Variants in LIG4 observed in about 807,000 individuals in gnomAD.
The protein encoded by LIG4 is DNA joinase.
LIG4 carries 13 observed loss-of-function variants against 19.0 expected under a neutral mutation model. That is an observed-to-expected ratio of 0.68 (90% CI 0.44 to 1.09). The LOEUF is 1.09. Ranked by LOEUF, LIG4 falls within the 50% of genes least tolerant of loss-of-function variation. The pLI, the probability that LIG4 is intolerant of heterozygous loss-of-function variation, is 0.00. For missense variants in LIG4, 1,026 were observed against 1,089.7 expected (o/e 0.94, Z 0.82); for synonymous variants, 361 against 358.2 (o/e 1.01, Z -0.09).
At chr13:108,217,282 G>A (rs1431640073), upstream of LIG4, among the ~76,000 whole-genome samples, 5 of 152,200 alleles carry the variant, frequency 3.3e-5, no homozygotes, top group African/African-American at 1.2e-4. Flanking sequence ...TTGGGAGGCC[G>A]AGGTGGGTGG....
chr13:108,210,655 GA>G lies in LIG4; in HGVS notation c.613del (p.Ser205LeufsTer29), dbSNP rs780879476. ...CTCAGCAGCATCATTATGAAAAACA[GA>G]AAAGATAGTTTGCTGACTAACACCA... ...KLGVSQQTIF[S>X]VFHNDAAELH... On this transcript the variant is annotated frameshift_variant, in exon 3 of 3. Coordinates refer to ENST00000442234, the MANE Select transcript of LIG4 (RefSeq NM_206937.2). LOFTEE classifies it high-confidence loss of function. 131 of 1,613,636 alleles carry G rather than the reference GA, an allele frequency of 8.1e-5. No homozygotes were observed. Among genetic ancestry groups the G allele is most frequent in the Admixed American group, 2.2e-4 (13 of 59,994 alleles).
At chr13:108,216,179 T>C (rs1462641004), upstream of LIG4, among the ~76,000 whole-genome samples, 2 of 152,198 alleles carry the variant, frequency 1.3e-5, no homozygotes, top group Admixed American at 6.5e-5. Context: ...TATTATTATA[T>C]AGTAATGGTG....
rs1407817431 is a variant in LIG4, at chr13:108,208,591, C to A, written c.2678G>T (p.Trp893Leu). The stretch of plus-strand genomic sequence containing the variant: ...ACACTTGTCTATTGAATCAGTTACC[C>A]AACTTTCTTTTAGGATTTTAAACTT... ...KRKFKILKES[W>L]VTDSIDKCEL... The change falls in exon 3 of 3, where the codon TGG (tryptophan) becomes TTG (leucine). Residue 893 changes from tryptophan to leucine, a missense_variant. By Grantham distance (61) the Trp-to-Leu change is moderately conservative (BLOSUM62 -2). This residue lies in a region of LIG4 where 521 missense variants were observed against 515.5 expected (regional missense o/e 1.01). Coordinates refer to ENST00000442234, the MANE Select transcript of LIG4 (RefSeq NM_206937.2). 2 of 1,613,204 alleles carry A rather than the reference C, an allele frequency of 1.2e-6. No homozygotes were observed. The highest frequency in any genetic ancestry group is 1.7e-6 in the Non-Finnish European group (2 of 1,179,484).
In LIG4 at chr13:108,207,443, T is replaced by C. The variant is rs551039373; in HGVS notation, c.*1090A>G. ...AAAAGAATAGAACATAAGAAATTATTTTAATAGTGCATTAAATATTTTATT... is the reference window on the plus strand; with the variant it reads ...AAAAGAATAGAACATAAGAAATTATCTTAATAGTGCATTAAATATTTTATT... On this transcript the variant is annotated 3_prime_UTR_variant, in exon 3 of 3. Coordinates refer to ENST00000442234, the MANE Select transcript of LIG4 (RefSeq NM_206937.2). 20 of 152,094 alleles carry C rather than the reference T, an allele frequency of 1.3e-4. No individual in the cohort carries two copies. Among genetic ancestry groups the C allele is most frequent in the African/African-American group, 4.1e-4 (17 of 41,518 alleles). 9.4% of individuals were successfully genotyped at this position (152,094 alleles called of 1,614,324 possible). A position where few individuals can be genotyped will look rare whatever the true frequency, so the allele number is the denominator to read the frequency against.
At chr13:108,216,605 T>C (rs1879307260), upstream of LIG4, among the ~76,000 whole-genome samples, 1 of 152,236 alleles carries the variant, frequency 6.6e-6, no homozygotes, top group Non-Finnish European at 1.5e-5. Flanking sequence ...TGTTGTAAAG[T>C]CTCATGATAT....
chr13:108,215,612 C>G (rs192806966), upstream of LIG4: 1 of 151,168 alleles, frequency 6.6e-6, no homozygotes, highest in Admixed American at 6.6e-5. Flanking sequence ...TCAAGCACGC[C>G]GGCGCAGCCA....
chr13:108,217,835 G>C (rs545520568), upstream of LIG4, among the ~76,000 whole-genome samples: 1 of 152,174 alleles, frequency 6.6e-6, no homozygotes, highest in African/African-American at 2.4e-5. Flanking sequence ...TGCACAGGGG[G>C]GTTGACAGCG....
At chr13:108,212,768 T>C (rs562191492) in intron 2 of LIG4, among the ~76,000 whole-genome samples, 3 of 151,924 alleles carry the variant, frequency 2.0e-5, no homozygotes, top group South Asian at 4.2e-4. Flanking sequence ...CTACATTTAC[T>C]ATACTGTCAG....
At chr13:108,217,396 G>A (rs1158506534), upstream of LIG4, among the ~76,000 whole-genome samples, 2 of 152,224 alleles carry the variant, frequency 1.3e-5, no homozygotes, top group South Asian at 4.1e-4. Context: ...GCGCATGCCT[G>A]TAATCCCAGC....
chr13:108,209,584 G>C lies in LIG4; in HGVS notation c.1685C>G (p.Ala562Gly), dbSNP rs1392544102. The change falls in exon 3 of 3, where the codon GCA (alanine) becomes GGA (glycine). Residue 562 changes from alanine to glycine, a missense_variant. Physicochemically the swap from Ala to Gly is moderately conservative, Grantham distance 60. Transcript: ENST00000442234. ...ATACATATCACTGGGTACGATCTCT[G>C]CTGCTTTAATCTGAACAATGACAGA... ...CNSVIVQIKA[A>G]EIVPSDMYKT... 6.2e-7 allele frequency: 1 copy of C among 1,614,080 alleles called. No individual in the cohort carries two copies. The highest frequency in any genetic ancestry group is 1.7e-5 in the Admixed American group (1 of 60,018).
At chr13:108,217,703 G>GA (rs77813300), upstream of LIG4, among the ~76,000 whole-genome samples, 519 of 133,538 alleles carry the variant, frequency 3.9e-3, 2 homozygotes, top group East Asian at 0.035. Context: ...ATCTCAAAAG[G>GA]AAAAAAAAAA....
upstream of LIG4, among the ~76,000 whole-genome samples, chr13:108,217,844 C>A (rs1409805112): frequency 6.6e-6 from 1 of 152,156 alleles, no homozygotes; most frequent in African/African-American, 2.4e-5. Context: ...GGGTTGACAG[C>A]GAAGCTAATG....
rs557203390 is a variant in LIG4 at position 108,209,003 on chromosome 13, G to A, written c.2266C>T (p.Arg756Cys). 6.2e-6 allele frequency: 10 copies of A among 1,613,892 alleles called. No individual in the cohort carries two copies. The highest frequency in any genetic ancestry group is 1.1e-5 in the South Asian group (1 of 91,066). The part of the protein sequence containing the change: ...MCPSTKEHFA[R>C]EYDCYGDSYF... The stretch of plus-strand genomic sequence containing the variant: ...CTATCACCATAGCAATCATATTCAC[G>A]GGCAAAATGTTCTTTGGTTGATGGG... The change falls in exon 3 of 3, where the codon CGT becomes TGT. Residue 756 changes from arginine (R) to cysteine (C), a missense_variant. Transcript: ENST00000442234.
In LIG4 at chr13:108,208,952, G is replaced by A. The variant is rs1386691031; in HGVS notation, c.2317C>T (p.Gln773Ter). 4.3e-6 allele frequency: 7 copies of A among 1,613,984 alleles called. No individual in the cohort carries two copies. The highest frequency in any genetic ancestry group is 1.3e-5 in the African/African-American group (1 of 74,894). Residue 773 changes from glutamine (Q) to a stop codon, truncating the protein, a stop_gained, in exon 3 of 3, where the codon CAA (glutamine) becomes TAA (stop). Coordinates refer to ENST00000442234, the MANE Select transcript of LIG4 (RefSeq NM_206937.2). LOFTEE classifies it low-confidence loss of function (END_TRUNC). ...DSYFIDTDLN[Q>*]LKEVFSGIKN... Reference sequence around the variant, plus strand: ...ATTCCTGAGAATACTTCCTTCAGTTGGTTCAAGTCTGTATCAATGAAATAA... The same window carrying A: ...ATTCCTGAGAATACTTCCTTCAGTTAGTTCAAGTCTGTATCAATGAAATAA...
chr13:108,209,484 G>GGTC lies in LIG4; in HGVS notation c.1782_1784dup (p.Thr595dup). On this transcript the variant is annotated inframe_insertion, in exon 3 of 3. Coordinates refer to ENST00000442234, the MANE Select transcript of LIG4 (RefSeq NM_206937.2). ...CCCTAAGTTGTTCTAGGTCGTCCAG[G>GGTC]GTCATGCACTCATGCCACTCCTTGT... 6.2e-7 allele frequency: 1 copy of GGTC among 1,613,996 alleles called. No homozygotes were observed. Among genetic ancestry groups the GGTC allele is most frequent in the Non-Finnish European group, 8.5e-7 (1 of 1,180,008 alleles).
rs770128720 is a variant in LIG4 at position 108,209,513 on chromosome 13, CTCTTA to C, written c.1751_1755del (p.Ile584ArgfsTer2). 15 of 1,614,030 alleles carry C rather than the reference CTCTTA, an allele frequency of 9.3e-6. No homozygotes were observed. Among genetic ancestry groups the C allele is most frequent in the Middle Eastern group, 1.6e-4 (1 of 6,084 alleles). Reference sequence around the variant, plus strand: ...ATGCACTCATGCCACTCCTTGTCATCTCTTATCTTTTCAATTCGTGGAAAACGCAA... The same window carrying C: ...ATGCACTCATGCCACTCCTTGTCATCTCTTTTCAATTCGTGGAAAACGCAA... On this transcript the variant is annotated frameshift_variant, in exon 3 of 3. Transcript: ENST00000442234. LOFTEE classifies it low-confidence loss of function (END_TRUNC).
At position 108,208,572 on chromosome 13, in the gene LIG4, G is replaced by C; in HGVS notation, c.2697C>G (p.Asp899Glu). 6.2e-7 allele frequency: 1 copy of C among 1,612,318 alleles called. No homozygotes were observed. Among genetic ancestry groups the C allele is most frequent in the Non-Finnish European group, 8.5e-7 (1 of 1,178,614 alleles). ...GGTTTTCTTCTTGTAATTCACACTT[G>C]TCTATTGAATCAGTTACCCAACTTT... is the stretch of plus-strand genomic sequence containing the variant. ...LKESWVTDSI[D>E]KCELQEENQY... Residue 899 changes from aspartate to glutamate, a missense_variant, in exon 3 of 3, where the codon GAC (aspartate) becomes GAG (glutamate). Physicochemically the swap from Asp to Glu is conservative, Grantham distance 45. Coordinates refer to ENST00000442234, the MANE Select transcript of LIG4 (RefSeq NM_206937.2).
rs1229704315 is a variant in LIG4 at position 108,208,040 on chromosome 13, G to A, written c.*493C>T. The A allele has an allele frequency of 6.6e-6, 1 of 152,386 alleles. No homozygotes were observed. The highest frequency in any genetic ancestry group is 2.4e-5 in the African/African-American group (1 of 41,406). 9.4% of individuals were successfully genotyped at this position (152,386 alleles called of 1,614,324 possible). On this transcript the variant is annotated 3_prime_UTR_variant, in exon 3 of 3. Coordinates refer to ENST00000442234, the MANE Select transcript of LIG4 (RefSeq NM_206937.2). ...ATTTGTTTACATTTCATATTTAAAT[G>A]GGACATTTTAAACCCTGAGTAAAAA...
chr13:108,210,510 A>T lies in LIG4; in HGVS notation c.759T>A (p.Ile253=), dbSNP rs1878534630. Residue 253 remains isoleucine (I), a synonymous_variant, in exon 3 of 3, where the codon ATT becomes ATA. Coordinates refer to ENST00000442234, the MANE Select transcript of LIG4 (RefSeq NM_206937.2). ...CCTTCTCAATGTGCTCAATATCTGCAATAGCAGCTAGCATTGGTTTAAATG... is the reference window on the plus strand; with the variant it reads ...CCTTCTCAATGTGCTCAATATCTGCTATAGCAGCTAGCATTGGTTTAAATG... The part of the protein sequence containing the change: ...FSAFKPMLAA[I]ADIEHIEKDM... 1.2e-6 allele frequency: 2 copies of T among 1,612,840 alleles called. No homozygotes were observed. Among genetic ancestry groups the T allele is most frequent in the East Asian group, 2.2e-5 (1 of 44,860 alleles).
Sources: gnomAD v4.1 joint callset for allele counts (sites outside exome capture counted in the v4.1 genomes callset) on GRCh38, gnomAD v4.1.1 for gene constraint, gnomAD v4.1.1 regional missense constraint, MANE v1.5 for transcripts, NCBI Gene and HGNC (gene_info 2026-07-23, HGNC 2026-07-21) for gene names.